Variants in DYNC2H1 observed in about 807,000 individuals in gnomAD.
The protein encoded by DYNC2H1 is cytoplasmic dynein 2 heavy chain 1.
A neutral mutation model predicts 570.0 loss-of-function variants in DYNC2H1; 410 were observed. The ratio of observed to expected loss-of-function variants is 0.72; its 90% CI spans 0.66 to 0.78. DYNC2H1 has a LOEUF of 0.78. Among genes scored for constraint, DYNC2H1 ranks in the 30% least tolerant of loss-of-function variants. DYNC2H1 has a pLI of 0.00. For missense variants in DYNC2H1, 4,865 were observed against 5,046.4 expected (o/e 0.96, Z 1.09); for synonymous variants, 1,688 against 1,677.6 (o/e 1.01, Z -0.15).
In DYNC2H1 at chr11:103,390,351, T is replaced by C. The variant is rs372475712; in HGVS notation, c.12157-9312T>C. Among the ~76,000 whole-genome samples, 9 of 150,532 alleles carry C rather than the reference T, an allele frequency of 6.0e-5. No homozygotes were observed. The South Asian group carries it at 1.1e-3, about 18-fold the overall frequency. On this transcript the variant is annotated intron_variant, in intron 83 of 88. Transcript: ENST00000375735. Reference sequence around the variant, plus strand: ...CTTTTTTTGTTTTCCATTTGCTTGATAGATTTTCCTCCATCCCTTTATTTT... The same window carrying C: ...CTTTTTTTGTTTTCCATTTGCTTGACAGATTTTCCTCCATCCCTTTATTTT...
intron 87 of DYNC2H1, among the ~76,000 whole-genome samples, chr11:103,463,483 C>T (rs1356345161): frequency 2.0e-5 from 3 of 152,142 alleles, no homozygotes; most frequent in Non-Finnish European, 4.4e-5. Flanking sequence ...GGAGCAGTGG[C>T]TCATGCCTGT....
At position 103,117,880 on chromosome 11, in the gene DYNC2H1, C is replaced by G; in HGVS notation, c.999+17C>G. ...CTTGAAGAGGTATCAATTTGATTAT[C>G]TAGATCTTTGTCTTTAAATGTAAAG... is the stretch of plus-strand genomic sequence containing the variant. On this transcript the variant is annotated intron_variant, in intron 6 of 88. Coordinates refer to ENST00000375735, the MANE Select transcript of DYNC2H1 (RefSeq NM_001377.3). 1.3e-6 allele frequency: 2 copies of G among 1,584,850 alleles called. No individual in the cohort carries two copies. The highest frequency in any genetic ancestry group is 1.7e-6 in the Non-Finnish European group (2 of 1,160,554).
At position 103,156,667 on chromosome 11, in the gene DYNC2H1, T is replaced by A; in HGVS notation, c.4024T>A (p.Leu1342Ile). The change falls in exon 26 of 89, where the codon TTA (leucine) becomes ATA (isoleucine). Residue 1342 changes from leucine (L) to isoleucine (I), a missense_variant. Leu to Ile is a conservative substitution (Grantham distance 5). Transcript: ENST00000375735. The part of the protein sequence containing the change: ...LAELDEYLQN[L>I]NHIQRKWVYL... Reference sequence around the variant, plus strand: ...AGAGTTAGATGAATACCTGCAGAATTTAAATCATATTCAGAGAAAGTGGGT... The same window carrying A: ...AGAGTTAGATGAATACCTGCAGAATATAAATCATATTCAGAGAAAGTGGGT... 1 of 1,613,358 alleles carries A rather than the reference T, an allele frequency of 6.2e-7. No individual in the cohort carries two copies. The highest frequency in any genetic ancestry group is 8.5e-7 in the Non-Finnish European group (1 of 1,179,646).
At chr11:103,232,864 A>G (rs1047159103) in intron 60 of DYNC2H1, among the ~76,000 whole-genome samples, 1 of 144,296 alleles carries the variant, frequency 6.9e-6, no homozygotes, top group Non-Finnish European at 1.5e-5. Context: ...GTTTAATGGA[A>G]CTTCATGAGA....
intron 84 of DYNC2H1, among the ~76,000 whole-genome samples, chr11:103,419,201 C>CCAA (rs1943393083): frequency 6.6e-6 from 1 of 152,172 alleles, no homozygotes; most frequent in Non-Finnish European, 1.5e-5. Context: ...TTAGCCATTC[C>CCAA]AGCCTGCTGG....
chr11:103,174,315 C>T (rs1861704908), intron 36 of DYNC2H1, 145 bp downstream of exon 36: 1 of 549,676 alleles, frequency 1.8e-6, no homozygotes, highest in African/African-American at 1.9e-5. Context: ...TTGTTAACAT[C>T]TTTCATTAGT....
At position 103,243,841 on chromosome 11, in the gene DYNC2H1, T is replaced by A; in HGVS notation, c.9918+50T>A. ...ACCAATTAGGAATGACCTCTTATAG[T>A]GAAAAGATCTTGGAGTCTATAATCA... On this transcript the variant is annotated intron_variant, in intron 64 of 88. Transcript: ENST00000375735. The surrounding 1 kb of genome is among the most constrained non-coding windows in gnomAD (Gnocchi z 4.8). 7.2e-7 allele frequency: 1 copy of A among 1,393,396 alleles called. No homozygotes were observed. Among genetic ancestry groups the A allele is most frequent in the Non-Finnish European group, 9.9e-7 (1 of 1,015,100 alleles). The allele number at this position is 1,393,396 out of a possible 1,614,324, so 86.3% of individuals were successfully genotyped here.
intron 88 of DYNC2H1, among the ~76,000 whole-genome samples, chr11:103,469,679 T>C (rs1945310556): frequency 6.6e-6 from 1 of 152,144 alleles, no homozygotes; most frequent in South Asian, 2.1e-4. Context: ...TCCCTATTTT[T>C]CCCCCATATC....
chr11:103,196,052 A>G (rs1862496867), intron 47 of DYNC2H1, among the ~76,000 whole-genome samples: 1 of 152,214 alleles, frequency 6.6e-6, no homozygotes, highest in Non-Finnish European at 1.5e-5. Flanking sequence ...TCAAACAATC[A>G]GTGAAGCCAG....
intron 18 of DYNC2H1, among the ~76,000 whole-genome samples, chr11:103,147,076 A>G (rs1860276545): frequency 2.0e-5 from 3 of 152,202 alleles, no homozygotes; most frequent in African/African-American, 7.2e-5. Flanking sequence ...ATGCTTGTGT[A>G]TAAATCTTGG....
chr11:103,390,623 C>T (rs1288086108), intron 83 of DYNC2H1, among the ~76,000 whole-genome samples: 1 of 152,202 alleles, frequency 6.6e-6, no homozygotes, highest in Admixed American at 6.5e-5. Context: ...CATGTTTTTG[C>T]AGTGGCTGGT....
At chr11:103,463,266 A>G (rs1351683693) in intron 87 of DYNC2H1, among the ~76,000 whole-genome samples, 1 of 152,224 alleles carries the variant, frequency 6.6e-6, no homozygotes, top group Non-Finnish European at 1.5e-5. Context: ...AAATAAAATT[A>G]TAAGTAGGGC....
intron 82 of DYNC2H1, among the ~76,000 whole-genome samples, chr11:103,357,789 C>A (rs1440144929): frequency 6.6e-6 from 1 of 151,544 alleles, no homozygotes; most frequent in Non-Finnish European, 1.5e-5. Flanking sequence ...ATGGTCTCTA[C>A]CAAAAATAAA....
At chr11:103,270,577 C>CCTCTCT (rs3076351) in intron 70 of DYNC2H1, among the ~76,000 whole-genome samples, 2,890 of 146,342 alleles carry the variant, frequency 0.02, 35 homozygotes, top group Non-Finnish European at 0.027. Context: ...TGATGTGGTA[C>CCTCTCT]CTCTCTCTCT....
chr11:103,133,761 C>A lies in DYNC2H1; in HGVS notation c.2106+54C>A. 6.9e-7 allele frequency: 1 copy of A among 1,448,078 alleles called. No individual in the cohort carries two copies. The highest frequency in any genetic ancestry group is 1.4e-5 in the South Asian group (1 of 71,760). The allele number at this position is 1,448,078 out of a possible 1,614,324, so 89.7% of individuals were successfully genotyped here. On this transcript the variant is annotated intron_variant, in intron 14 of 88. Transcript: ENST00000375735. The surrounding 1 kb of genome is among the most constrained non-coding windows in gnomAD (Gnocchi z 4.8). ...CTATGAATGATATTATTTAAAAAGT[C>A]ATTAAGATACAATTTTTAAAAACTT... is the stretch of plus-strand genomic sequence containing the variant.
chr11:103,341,953 C>A, intron 82 of DYNC2H1, among the ~76,000 whole-genome samples: 1 of 152,112 alleles, frequency 6.6e-6, no homozygotes, highest in East Asian at 1.9e-4. Context: ...TCAACCTGGG[C>A]AACATAGTGA....
intron 83 of DYNC2H1, among the ~76,000 whole-genome samples, chr11:103,383,478 ATT>A (rs35091786): frequency 1.2e-5 from 1 of 82,462 alleles, no homozygotes; most frequent in African/African-American, 3.7e-5. Flanking sequence ...TTAAATCTTT[ATT>A]TTTTTTTTTT....
Position 103,241,181 on chromosome 11 carries a change from C to A in DYNC2H1, c.9820-2512C>A, listed in dbSNP as rs1864410225. Among the ~76,000 whole-genome samples the A allele has an allele frequency of 6.6e-6, 1 of 152,062 alleles. No individual in the cohort carries two copies. On this transcript the variant is annotated intron_variant, in intron 63 of 88. Coordinates refer to ENST00000375735, the MANE Select transcript of DYNC2H1 (RefSeq NM_001377.3). This position sits in a 1 kb window ranked among gnomAD's most constrained non-coding sequence, Gnocchi z 5.1. Reference sequence around the variant, plus strand: ...AATTTTTATTTTTGCATCTTTATTGCCTGTAAAGTTATTGAGGTTAAGGGA... The same window carrying A: ...AATTTTTATTTTTGCATCTTTATTGACTGTAAAGTTATTGAGGTTAAGGGA...
intron 12 of DYNC2H1, among the ~76,000 whole-genome samples, chr11:103,127,116 G>C (rs914631670): frequency 1.3e-5 from 2 of 152,188 alleles, no homozygotes; most frequent in African/African-American, 4.8e-5. Context: ...ATTGATGTGA[G>C]TCTGGAAGAG....
Sources: allele counts gnomAD v4.1 joint callset (sites outside exome capture counted in the v4.1 genomes callset), GRCh38; gene constraint gnomAD v4.1.1; non-coding constraint Gnocchi (gnomAD v3.1); transcripts MANE v1.5; gene names NCBI Gene and HGNC (gene_info 2026-07-23, HGNC 2026-07-21).